Variants in PRODH2 observed in about 807,000 individuals in gnomAD.
The protein encoded by PRODH2 is proline dehydrogenase 2.
A neutral mutation model predicts 51.9 loss-of-function variants in PRODH2; 49 were observed. The ratio of observed to expected loss-of-function variants is 0.94; its 90% CI spans 0.75 to 1.20. PRODH2 has a LOEUF of 1.20. Among genes scored for constraint, PRODH2 ranks in the 50% most tolerant of loss-of-function variants. The pLI, the probability that PRODH2 is intolerant of heterozygous loss-of-function variation, is 0.00. For synonymous variants in PRODH2, 249 were observed against 260.7 expected, an observed-to-expected ratio of 0.96 and a Z score of 0.43; for missense variants, 597 against 610.9, an observed-to-expected ratio of 0.98 and a Z score of 0.24.
rs10676244 is a variant in PRODH2, at chr19:35,810,260, A to AAATAATAATAAT, written c.597+1690_597+1701dup. ...GGCAACAGAGCAAGACTCTGTCTTA[A>AAATAATAATAAT]AATAATAATAATAATAATAATAATA... On this transcript the variant is annotated intron_variant, in intron 4 of 9. Coordinates refer to ENST00000653904, the MANE Select transcript of PRODH2 (RefSeq NM_021232.2). 4.7e-3 allele frequency among the ~76,000 whole-genome samples: 680 copies of AAATAATAATAAT among 143,240 alleles called. 8 individuals carry two copies. The highest frequency in any genetic ancestry group is 0.017 in the African/African-American group (652 of 38,312). 94.0% of individuals were successfully genotyped at this position (143,240 alleles called of 152,430 possible).
At chr19:35,808,991 G>C (rs1427845954) in intron 4 of PRODH2, among the ~76,000 whole-genome samples, 4 of 151,954 alleles carry the variant, frequency 2.6e-5, no homozygotes, top group Non-Finnish European at 5.9e-5. Flanking sequence ...TGTTGCCCAG[G>C]CTGGTCTCAA....
chr19:35,809,107 TCTTCCTTC>T (rs3030903), intron 4 of PRODH2, among the ~76,000 whole-genome samples: 3 of 149,818 alleles, frequency 2.0e-5, no homozygotes, highest in South Asian at 2.1e-4. Context: ...TTTATTTCTT[TCTTCCTTC>T]CTTCCTTCCT....
chr19:35,812,740 C>T lies in PRODH2; in HGVS notation c.66G>A (p.Leu22=). 2 of 1,611,280 alleles carry T rather than the reference C, an allele frequency of 1.2e-6. No homozygotes were observed. The highest frequency in any genetic ancestry group is 1.1e-5 in the South Asian group (1 of 90,800). ...GGTGGAAGGCCCCGCCATCAAAGCT[C>T]AGGGACTGCCAGCCCCTGGAGGGGG... ...AGPPSRGWQS[L]SFDGGAFHLK... is the part of the protein sequence containing the mutation. The change falls in exon 1 of 10, where the codon CTG becomes CTA. Residue 22 remains leucine (L), a synonymous_variant. Transcript: ENST00000653904.
rs1291090695 is a variant in PRODH2, at chr19:35,809,904, A to AGCC, written c.597+2055_597+2057dup. Among the ~76,000 whole-genome samples, 10 of 131,176 alleles carry AGCC rather than the reference A, an allele frequency of 7.6e-5. No homozygotes were observed. In the East Asian group the frequency reaches 2.5e-3, roughly 33 times the overall value. The allele number at this position is 131,176 out of a possible 152,430, so 86.1% of individuals were successfully genotyped here. ...AACCCGGGAGGCGGAGGTTGCAGTG[A>AGCC]GCCGAGATCGCACCACTGCACTCCA... On this transcript the variant is annotated intron_variant, in intron 4 of 9. Transcript: ENST00000653904.
intron 4 of PRODH2, among the ~76,000 whole-genome samples, chr19:35,809,433 G>A (rs918792968): frequency 2.0e-5 from 3 of 152,078 alleles, no homozygotes; most frequent in East Asian, 1.9e-4. Flanking sequence ...TGCCCAGGCA[G>A]GTCTCAAACT....
intron 4 of PRODH2, among the ~76,000 whole-genome samples, chr19:35,809,390 T>A (rs1223377421): frequency 6.6e-6 from 1 of 151,928 alleles, no homozygotes; most frequent in Non-Finnish European, 1.5e-5. Flanking sequence ...GCTGATTTTT[T>A]AATTTTTTTG....
In PRODH2 at chr19:35,803,023, A is replaced by C. The variant is rs1436746097; in HGVS notation, c.1057T>G (p.Cys353Gly). ...LTHVARHGPM[C>G]HLMVASHNEE... ...TTGTGGGAAGCCACCATGAGGTGGCACATGGGGCCATGGCGGGCCACGTGC... is the reference window on the plus strand; with the variant it reads ...TTGTGGGAAGCCACCATGAGGTGGCCCATGGGGCCATGGCGGGCCACGTGC... Residue 353 changes from cysteine to glycine, a missense_variant, in exon 8 of 10, where the codon TGC (cysteine) becomes GGC (glycine). Transcript: ENST00000653904. The C allele has an allele frequency of 2.5e-6, 4 of 1,577,038 alleles. No homozygotes were observed. The South Asian group carries it at 4.6e-5, about 18-fold the overall frequency.
chr19:35,804,222 C>T lies in PRODH2; in HGVS notation c.1002-1144G>A, dbSNP rs189646798. 1.4e-4 allele frequency among the ~76,000 whole-genome samples: 22 copies of T among 152,294 alleles called. No individual in the cohort carries two copies. The East Asian group carries it at 3.7e-3, about 25-fold the overall frequency. ...TGTTTTTTAGAGACTGGGTCTCACT[C>T]TGTTGCCCAGGTTGGAGTGCAGTGG... On this transcript the variant is annotated intron_variant, in intron 7 of 9. Transcript: ENST00000653904.
rs536959909 is a variant in PRODH2 at position 35,802,172 on chromosome 19, G to A, written c.1198+19C>T. ...GTAAGGCCTGGGGCTTGATGGGGGTGGGGGAGCCATTCACATACCCAGTGC... is the reference window on the plus strand; with the variant it reads ...GTAAGGCCTGGGGCTTGATGGGGGTAGGGGAGCCATTCACATACCCAGTGC... On this transcript the variant is annotated intron_variant, in intron 9 of 9. Coordinates refer to ENST00000653904, the MANE Select transcript of PRODH2 (RefSeq NM_021232.2). 1.7e-5 allele frequency: 27 copies of A among 1,610,638 alleles called. 1 individual carries two copies. The highest frequency in any genetic ancestry group is 4.5e-5 in the East Asian group (2 of 44,866).
rs939633112 is a variant in PRODH2 at position 35,803,044 on chromosome 19, C to T, written c.1036G>A (p.Val346Met). The part of the protein sequence containing the change: ...SRCLELMLTH[V>M]ARHGPMCHLM... ...TGGCACATGGGGCCATGGCGGGCCACGTGCGTCAGCATCAGTTCCAGGCAG... is the reference window on the plus strand; with the variant it reads ...TGGCACATGGGGCCATGGCGGGCCATGTGCGTCAGCATCAGTTCCAGGCAG... Residue 346 changes from valine (V) to methionine (M), a missense_variant, in exon 8 of 10, where the codon GTG becomes ATG. Physicochemically the swap from Val to Met is conservative, Grantham distance 21. Transcript: ENST00000653904. The T allele has an allele frequency of 8.3e-6, 13 of 1,566,368 alleles. No individual in the cohort carries two copies. Among genetic ancestry groups the T allele is most frequent in the African/African-American group, 1.3e-5 (1 of 74,176 alleles).
chr19:35,802,327 T>A, intron 8 of PRODH2, 51 bp from the exon 9 acceptor site: 1 of 1,549,986 alleles, frequency 6.5e-7, no homozygotes, highest in Non-Finnish European at 8.9e-7. Context: ...ATCTACAGCT[T>A]AAAGTCAGCC....
chr19:35,802,359 T>C (rs1446441262), intron 8 of PRODH2, 83 bp from the exon 9 acceptor site: 2 of 1,156,816 alleles, frequency 1.7e-6, no homozygotes, highest in Non-Finnish European at 2.6e-6. Flanking sequence ...ATATGGCGGC[T>C]CCAGTAATTC....
rs1029389672 is a variant in PRODH2 at position 35,806,783 on chromosome 19, G to A, written c.726C>T (p.Thr242=). The A allele has an allele frequency of 1.2e-6, 2 of 1,612,894 alleles. No individual in the cohort carries two copies. The highest frequency in any genetic ancestry group is 1.7e-6 in the Non-Finnish European group (2 of 1,179,586). The change falls in exon 6 of 10, where the codon ACC becomes ACT. Residue 242 remains threonine (T), a synonymous_variant. Coordinates refer to ENST00000653904, the MANE Select transcript of PRODH2 (RefSeq NM_021232.2). ...GCAGCGAGAGCGCAGGGTTCAGTGA[G>A]GTGTACTCCGCATCCACCAGGAGCC... ...HVRLLVDAEY[T]SLNPALSLLV...
Position 35,812,448 on chromosome 19 carries a change from C to T in PRODH2, c.283G>A (p.Gly95Ser), listed in dbSNP as rs1420566991. ...AGGGTCCGCAGCTGCTGCACGCAGC[C>T]CTTCACCTCCTCTGCTGTCTCACCA... Reference protein sequence around the residue: ...VAGETAEEVKGCVQQLRTLSL... With the variant: ...VAGETAEEVKSCVQQLRTLSL... The change falls in exon 2 of 10, where the codon GGC becomes AGC. Residue 95 changes from glycine (G) to serine (S), a missense_variant. Gly to Ser is a moderately conservative substitution (Grantham distance 56). Transcript: ENST00000653904. The T allele has an allele frequency of 6.8e-6, 11 of 1,614,086 alleles. No homozygotes were observed. The East Asian group carries it at 2.2e-4, about 33-fold the overall frequency.
intron 7 of PRODH2, among the ~76,000 whole-genome samples, chr19:35,804,012 C>G (rs550711810): frequency 6.6e-6 from 1 of 152,176 alleles, no homozygotes; most frequent in Admixed American, 6.6e-5. Flanking sequence ...CCCCACATCC[C>G]CCATGGAGTC....
Position 35,802,204 on chromosome 19 carries a change from G to T in PRODH2, c.1185C>A (p.Val395=), listed in dbSNP as rs1222707151. 2 of 1,614,038 alleles carry T rather than the reference G, an allele frequency of 1.2e-6. No individual in the cohort carries two copies. The highest frequency in any genetic ancestry group is 1.7e-6 in the Non-Finnish European group (2 of 1,179,974). ...CCATTCACATACCCAGTGCTAGAGA[G>T]ACGTGGTCACACATGCCCAGAAGTT... The part of the protein sequence containing the change: ...FGQLLGMCDH[V]SLALGQAGYV... Residue 395 remains valine (V), a synonymous_variant, in exon 9 of 10, where the codon GTC becomes GTA. Transcript: ENST00000653904.
chr19:35,806,947 G>T, intron 5 of PRODH2, 94 bp downstream of exon 5: 2 of 1,543,276 alleles, frequency 1.3e-6, no homozygotes, highest in East Asian at 2.5e-5. Flanking sequence ...GGGAGGCCCG[G>T]AGGTGCTGGT....
chr19:35,804,121 C>T (rs1972473667), intron 7 of PRODH2, among the ~76,000 whole-genome samples: 1 of 152,206 alleles, frequency 6.6e-6, no homozygotes, highest in African/African-American at 2.4e-5. Context: ...GGCCCCTCTC[C>T]TTCAACTACA....
In PRODH2 at chr19:35,811,978, G is replaced by T. The variant is rs567449220; in HGVS notation, c.581C>A (p.Ala194Asp). The T allele has an allele frequency of 6.2e-7, 1 of 1,614,108 alleles. No individual in the cohort carries two copies. The highest frequency in any genetic ancestry group is 1.3e-5 in the African/African-American group (1 of 75,052). ...LELSPERLAE[A>D]MDSGQNLQVS... ...GATCCTTACCTGCCCAGAGTCCATAGCTTCAGCCAGCCTCTCGGGGCTCAG... is the reference window on the plus strand; with the variant it reads ...GATCCTTACCTGCCCAGAGTCCATATCTTCAGCCAGCCTCTCGGGGCTCAG... Residue 194 changes from alanine (A) to aspartate (D), a missense_variant, in exon 4 of 10, where the codon GCT becomes GAT. Coordinates refer to ENST00000653904, the MANE Select transcript of PRODH2 (RefSeq NM_021232.2).
Sources: gnomAD v4.1 joint callset for allele counts (sites outside exome capture counted in the v4.1 genomes callset) on GRCh38, gnomAD v4.1.1 for gene constraint, MANE v1.5 for transcripts, NCBI Gene and HGNC (gene_info 2026-07-23, HGNC 2026-07-21) for gene names.